The following MSRB3 variants were observed in gnomAD, a reference collection of about 807,000 sequenced individuals.
MSRB3 encodes the protein methionine-R-sulfoxide reductase B3.
A neutral mutation model predicts 21.0 loss-of-function variants in MSRB3; 13 were observed. That is an observed-to-expected ratio of 0.62 (90% confidence interval 0.40 to 0.98). MSRB3 has a LOEUF of 0.98. MSRB3 is among the 50% of genes least tolerant of loss of function. The pLI is 0.00. For synonymous variants in MSRB3, 87 were observed against 88.6 expected (o/e 0.98, Z 0.10); for missense variants, 199 against 230.3 (o/e 0.86, Z 0.88).
chr12:65,295,054 C>T (rs1181520191), intron 1 of MSRB3, among the ~76,000 whole-genome samples: 7 of 152,170 alleles, frequency 4.6e-5, no homozygotes, highest in Non-Finnish European at 1.0e-4. Context: ...TGGTCTTGCA[C>T]TCCTGGCCTT....
At chr12:65,383,153 C>T (rs762294902) in intron 5 of MSRB3, among the ~76,000 whole-genome samples, 1 of 152,046 alleles carries the variant, frequency 6.6e-6, no homozygotes, top group Admixed American at 6.5e-5. Flanking sequence ...GAAATTTTAA[C>T]GTCAAAATGA....
chr12:65,383,181 T>G (rs1879034361), intron 5 of MSRB3, among the ~76,000 whole-genome samples: 1 of 152,204 alleles, frequency 6.6e-6, no homozygotes, highest in South Asian at 2.1e-4. Flanking sequence ...TTCATGAATT[T>G]GTAATTTTAA....
At chr12:65,297,084 C>G (rs544193779) in intron 1 of MSRB3, among the ~76,000 whole-genome samples, 3 of 152,242 alleles carry the variant, frequency 2.0e-5, no homozygotes, top group African/African-American at 7.2e-5. Context: ...ATGGATGGAG[C>G]TGGAAGCCAT....
chr12:65,313,976 C>T (rs910733718), intron 2 of MSRB3, among the ~76,000 whole-genome samples: 1 of 152,078 alleles, frequency 6.6e-6, no homozygotes, highest in South Asian at 2.1e-4. Context: ...ATTGTGAAAA[C>T]TTAAACAAAA....
chr12:65,393,075 C>T (rs978434156), intron 5 of MSRB3, among the ~76,000 whole-genome samples: 17 of 151,866 alleles, frequency 1.1e-4, no homozygotes, highest in Admixed American at 1.1e-3. Context: ...TTATTCCTTT[C>T]TATTAAAAAT....
chr12:65,419,175 G>T, intron 5 of MSRB3: 1 of 694,584 alleles, frequency 1.4e-6, no homozygotes, highest in South Asian at 1.5e-5. Flanking sequence ...ACTGCATGGT[G>T]ACCACTGTGG....
intron 2 of MSRB3, among the ~76,000 whole-genome samples, chr12:65,318,961 G>A (rs778744488): frequency 7.9e-5 from 12 of 152,206 alleles, no homozygotes; most frequent in Admixed American, 1.3e-4. Context: ...ACAGTCATTC[G>A]GGTGAATTAT....
chr12:65,384,451 A>G (rs1263964402), intron 5 of MSRB3, among the ~76,000 whole-genome samples: 1 of 152,144 alleles, frequency 6.6e-6, no homozygotes, highest in Admixed American at 6.5e-5. Flanking sequence ...GGTTTAGAAA[A>G]TGTTTTAATC....
chr12:65,333,762 T>C (rs1875579164), intron 4 of MSRB3, among the ~76,000 whole-genome samples: 1 of 152,224 alleles, frequency 6.6e-6, no homozygotes, highest in Admixed American at 6.5e-5. Flanking sequence ...ATTTCTACTT[T>C]GTTTTATAAT....
chr12:65,387,261 A>G (rs113514128), intron 5 of MSRB3, among the ~76,000 whole-genome samples: 2,032 of 152,230 alleles, frequency 0.013, 42 homozygotes, highest in East Asian at 0.051. Flanking sequence ...TTTAACTTTT[A>G]CTGTGAAATA....
intron 6 of MSRB3, chr12:65,454,396 A>G (rs1883000277): frequency 6.6e-6 from 1 of 152,246 alleles, no homozygotes; most frequent in African/African-American, 2.4e-5. Context: ...ATCATCTTCA[A>G]TTGGCTCAGT....
intron 5 of MSRB3, among the ~76,000 whole-genome samples, chr12:65,390,718 T>G (rs1435918694): frequency 6.6e-6 from 1 of 152,160 alleles, no homozygotes; most frequent in East Asian, 1.9e-4. Flanking sequence ...CTTAACAGCC[T>G]AAATGTCCAA....
At chr12:65,348,990 G>A (rs1416927703) in intron 4 of MSRB3, among the ~76,000 whole-genome samples, 1 of 151,176 alleles carries the variant, frequency 6.6e-6, no homozygotes, top group Non-Finnish European at 1.5e-5. Context: ...CATGTGCCAT[G>A]CTGGTGCGCT....
intron 5 of MSRB3, among the ~76,000 whole-genome samples, chr12:65,385,880 T>G (rs956668766): frequency 6.6e-6 from 1 of 152,046 alleles, no homozygotes; most frequent in African/African-American, 2.4e-5. Flanking sequence ...TTAAATATAC[T>G]ATTTCTGTTT....
At chr12:65,335,425 T>A (rs1875700191) in intron 4 of MSRB3, among the ~76,000 whole-genome samples, 1 of 152,196 alleles carries the variant, frequency 6.6e-6, no homozygotes, top group African/African-American at 2.4e-5. Flanking sequence ...TCCTGTGCAA[T>A]TTTATTCTAG....
intron 1 of MSRB3, among the ~76,000 whole-genome samples, chr12:65,307,891 G>T (rs1388660812): frequency 6.6e-6 from 1 of 152,058 alleles, no homozygotes; most frequent in African/African-American, 2.4e-5. Context: ...TCCCTTAATT[G>T]TCCTTAGGTT....
At chr12:65,336,292 T>G (rs2136464800) in intron 4 of MSRB3, among the ~76,000 whole-genome samples, 1 of 152,292 alleles carries the variant, frequency 6.6e-6, no homozygotes, top group East Asian at 1.9e-4. Context: ...CAACTCCATT[T>G]GAGAAACTAG....
intron 4 of MSRB3, among the ~76,000 whole-genome samples, chr12:65,340,919 A>C (rs1396924172): frequency 6.6e-6 from 1 of 152,152 alleles, no homozygotes. Context: ...CAACCTCAGA[A>C]GAAATTGAGT....
chr12:65,309,786 G>A (rs748554623), intron 2 of MSRB3, among the ~76,000 whole-genome samples: 7 of 152,156 alleles, frequency 4.6e-5, no homozygotes, highest in South Asian at 4.1e-4. Context: ...AACAAAAGGA[G>A]TAGCATGGGA....
Sources: allele counts gnomAD v4.1 joint callset (sites outside exome capture counted in the v4.1 genomes callset), GRCh38; gene constraint gnomAD v4.1.1; transcripts MANE v1.5; gene names NCBI Gene and HGNC (gene_info 2026-07-23, HGNC 2026-07-21).